The following SCML2 variants were observed in gnomAD, a reference collection of about 807,000 sequenced individuals.
The protein encoded by SCML2 is sex comb on midleg-like protein 2.
A neutral mutation model predicts 48.4 loss-of-function variants in SCML2; 6 were observed. That is an observed-to-expected ratio of 0.12 (90% confidence interval 0.07 to 0.24). The LOEUF (loss-of-function observed/expected upper bound fraction) is 0.24. Ranked by LOEUF, SCML2 falls within the 10% of genes least tolerant of loss-of-function variation. The pLI is 1.00. For missense variants in SCML2, 377 were observed against 528.2 expected (o/e 0.71, Z 2.81); for synonymous variants, 181 against 189.5 (o/e 0.95, Z 0.37).
In SCML2 at chrX:18,327,663, A is replaced by C. The variant is rs750396184; in HGVS notation, c.92-2686T>G. Among the ~76,000 whole-genome samples the C allele has an allele frequency of 1.3e-4, 15 of 112,347 alleles. No homozygotes were observed. In the South Asian group the frequency reaches 5.2e-3, roughly 39 times the overall value. ...CAAATCCTTTATACTAGTGCTCTACAATATAATTTTCTATCAAATTACTGG... is the reference window on the plus strand; with the variant it reads ...CAAATCCTTTATACTAGTGCTCTACCATATAATTTTCTATCAAATTACTGG... On this transcript the variant is annotated intron_variant, in intron 3 of 14. Coordinates refer to ENST00000251900, the MANE Select transcript of SCML2 (RefSeq NM_006089.3).
intron 5 of SCML2, among the ~76,000 whole-genome samples, chrX:18,323,390 C>T (rs1187403819): frequency 1.8e-5 from 2 of 112,017 alleles, no homozygotes; most frequent in Admixed American, 9.5e-5. Flanking sequence ...GATTTCTTCC[C>T]ACTGTAGGTG....
intron 7 of SCML2, among the ~76,000 whole-genome samples, chrX:18,267,068 AC>A (rs777489035): frequency 5.3e-5 from 6 of 112,223 alleles, no homozygotes; most frequent in African/African-American, 1.9e-4. Context: ...AAGGAATCTG[AC>A]CATCGTACTC....
intron 11 of SCML2, among the ~76,000 whole-genome samples, chrX:18,248,135 A>G (rs761030950): frequency 8.8e-4 from 99 of 112,194 alleles, no homozygotes; most frequent in Non-Finnish European, 1.4e-3. Flanking sequence ...TTCTGAGGTT[A>G]TCAGATCTCT....
intron 4 of SCML2, 88 bp from the exon 5 acceptor site, chrX:18,324,181 A>C: frequency 1.8e-6 from 1 of 563,409 alleles, no homozygotes; most frequent in South Asian, 3.1e-5. Context: ...CCTGAGGAAC[A>C]TTTTAAATAA....
At position 18,286,185 on chromosome X, in the gene SCML2, A is replaced by G. The variant is rs759583701; in HGVS notation, c.730+18787T>C. Among the ~76,000 whole-genome samples the G allele has an allele frequency of 8.9e-5, 10 of 111,820 alleles. No individual in the cohort carries two copies. In the East Asian group the frequency reaches 2.8e-3, roughly 31 times the overall value. On this transcript the variant is annotated intron_variant, in intron 7 of 14. Transcript: ENST00000251900. ...ATACATACCAATTTTGTCATTAAAA[A>G]TACAAAATGTCCCCAAAAAAACAAA...
upstream of SCML2, among the ~76,000 whole-genome samples, chrX:18,355,050 TG>T (rs1930498348): frequency 9.0e-6 from 1 of 111,548 alleles, no homozygotes; most frequent in Non-Finnish European, 1.9e-5. Flanking sequence ...CCACCCACCC[TG>T]GCCACGCACC....
rs759217499 is a variant in SCML2 at position 18,265,568 on chromosome X, G to A, written c.948+17C>T. ...TATAAAAACCTATAATACAAATTAG[G>A]AGGACATACAACTAACCTTTTTTCC... is the stretch of plus-strand genomic sequence containing the variant. On this transcript the variant is annotated intron_variant, in intron 8 of 14. Coordinates refer to ENST00000251900, the MANE Select transcript of SCML2 (RefSeq NM_006089.3). 1.8e-6 allele frequency: 2 copies of A among 1,139,826 alleles called. No homozygotes were observed. Among genetic ancestry groups the A allele is most frequent in the Admixed American group, 2.3e-5 (1 of 44,139 alleles). The allele number at this position is 1,139,826 out of a possible 1,213,427, so 93.9% of individuals were successfully genotyped here.
chrX:18,278,467 C>T (rs1039135473), intron 7 of SCML2, among the ~76,000 whole-genome samples: 1 of 111,969 alleles, frequency 8.9e-6, no homozygotes, highest in Admixed American at 9.4e-5. Flanking sequence ...GGGATCTACC[C>T]GGGAAGGAGG....
Position 18,241,246 on chromosome X carries a change from T to A in SCML2, c.*5A>T, listed in dbSNP as rs1287856462. 1.9e-5 allele frequency: 23 copies of A among 1,182,041 alleles called. No homozygotes were observed. Among genetic ancestry groups the A allele is most frequent in the Non-Finnish European group, 2.5e-5 (22 of 878,805 alleles). On this transcript the variant is annotated 3_prime_UTR_variant, in exon 15 of 15. Coordinates refer to ENST00000251900, the MANE Select transcript of SCML2 (RefSeq NM_006089.3). Reference sequence around the variant, plus strand: ...ATTATGTCCAATCTAAACTTACACATTTTTTTAACTGTATTTTCCTTCTTT... The same window carrying A: ...ATTATGTCCAATCTAAACTTACACAATTTTTTAACTGTATTTTCCTTCTTT...
intron 7 of SCML2, among the ~76,000 whole-genome samples, chrX:18,282,131 AC>A (rs1354350728): frequency 9.0e-6 from 1 of 111,331 alleles, no homozygotes; most frequent in Non-Finnish European, 1.9e-5. Context: ...CTCAAAAAAA[AC>A]AAAAACAAAA....
chrX:18,325,968 T>A (rs1929466295), intron 3 of SCML2, among the ~76,000 whole-genome samples: 1 of 112,350 alleles, frequency 8.9e-6, no homozygotes, highest in African/African-American at 3.2e-5. Flanking sequence ...CAAAAAAACC[T>A]ACAGAGTGCT....
intron 7 of SCML2, among the ~76,000 whole-genome samples, chrX:18,279,375 G>A (rs1429400043): frequency 2.7e-5 from 3 of 112,461 alleles, no homozygotes; most frequent in African/African-American, 9.7e-5. Context: ...TGAAGCCAAT[G>A]GACTATACTC....
chrX:18,330,506 A>G (rs1929620426), intron 3 of SCML2, 81 bp downstream of exon 3: 3 of 539,559 alleles, frequency 5.6e-6, no homozygotes, highest in African/African-American at 4.7e-5. Context: ...AATCAAAACA[A>G]TAAGAAAATT....
intron 7 of SCML2, among the ~76,000 whole-genome samples, chrX:18,283,026 T>C (rs1307297747): frequency 9.0e-6 from 1 of 111,416 alleles, no homozygotes; most frequent in African/African-American, 3.3e-5. Flanking sequence ...CTATCCCTGA[T>C]GAATACAGAG....
chrX:18,252,164 CTCA>C (rs1285797008), intron 11 of SCML2, among the ~76,000 whole-genome samples: 5 of 112,328 alleles, frequency 4.5e-5, no homozygotes, highest in Non-Finnish European at 7.5e-5. Flanking sequence ...GTCCCAGCTA[CTCA>C]GGAGGCTGAG....
chrX:18,331,319 G>A (rs377141790), intron 2 of SCML2, among the ~76,000 whole-genome samples: 2 of 92,168 alleles, frequency 2.2e-5, no homozygotes, highest in East Asian at 3.4e-4. Flanking sequence ...AAAATGAGCT[G>A]ATCTTTACAA....
intron 14 of SCML2, 127 bp from the exon 15 acceptor site, chrX:18,241,506 G>A (rs1396358724): frequency 1.0e-5 from 4 of 390,236 alleles, no homozygotes; most frequent in Middle Eastern, 5.5e-4. Flanking sequence ...TTTATTTCCT[G>A]AAAACTATTA....
At chrX:18,346,090 A>G (rs1930192130) in intron 1 of SCML2, among the ~76,000 whole-genome samples, 1 of 110,716 alleles carries the variant, frequency 9.0e-6, no homozygotes, top group African/African-American at 3.3e-5. Flanking sequence ...TTTGGCCATC[A>G]TTGTTGTTCT....
intron 7 of SCML2, among the ~76,000 whole-genome samples, chrX:18,270,580 A>G (rs1927420192): frequency 9.0e-6 from 1 of 110,792 alleles, no homozygotes; most frequent in South Asian, 3.8e-4. Flanking sequence ...CACCTAGAAT[A>G]AAATACTTTT....
Sources: gnomAD v4.1 joint callset for allele counts (sites outside exome capture counted in the v4.1 genomes callset) on GRCh38, gnomAD v4.1.1 for gene constraint, MANE v1.5 for transcripts, NCBI Gene and HGNC (gene_info 2026-07-23, HGNC 2026-07-21) for gene names.